The following CCNH variants were observed in gnomAD, a reference collection of about 807,000 sequenced individuals.
CCNH encodes cyclin-H.
CCNH carries 31 observed loss-of-function variants against 41.9 expected under a neutral mutation model. That is an observed-to-expected ratio of 0.74 (90% CI 0.56 to 1.00). CCNH has a LOEUF of 1.00. Among genes scored for constraint, CCNH ranks in the 50% least tolerant of loss-of-function variants. The probability of loss-of-function intolerance (pLI) is 0.00; values close to 1 mark genes in which losing one functional copy is unlikely to be tolerated. For missense variants in CCNH, 362 were observed against 388.4 expected (o/e 0.93, Z 0.57); for synonymous variants, 138 against 136.1 (o/e 1.01, Z -0.10).
intron 9 of CCNH, among the ~76,000 whole-genome samples, chr5:87,346,022 T>C (rs557760862): frequency 6.6e-6 from 1 of 152,268 alleles, no homozygotes; most frequent in South Asian, 2.1e-4. Context: ...GGTTATTGTA[T>C]GCTCTATGTC....
downstream of CCNH, among the ~76,000 whole-genome samples, chr5:87,314,261 C>A (rs901927453): frequency 1.2e-4 from 19 of 152,168 alleles, no homozygotes; most frequent in Non-Finnish European, 2.4e-4. Context: ...TGGAGACTGG[C>A]CAAGCCATAA....
chr5:87,322,246 C>T (rs566880795), intron 9 of CCNH, among the ~76,000 whole-genome samples: 1 of 152,218 alleles, frequency 6.6e-6, no homozygotes, highest in African/African-American at 2.4e-5. Flanking sequence ...AGGTGTGAGC[C>T]ACAGGCAAGC....
At chr5:87,405,737 T>C (rs1269614535) in intron 4 of CCNH, among the ~76,000 whole-genome samples, 1 of 152,130 alleles carries the variant, frequency 6.6e-6, no homozygotes, top group Non-Finnish European at 1.5e-5. Flanking sequence ...CACTTATCCC[T>C]CTACTTGCTC....
chr5:87,331,830 A>AG (rs1348376083), intron 9 of CCNH, among the ~76,000 whole-genome samples: 1 of 152,194 alleles, frequency 6.6e-6, no homozygotes, highest in Non-Finnish European at 1.5e-5. Context: ...CAAAAAGTGT[A>AG]GGAAACCCTG....
chr5:87,346,649 A>G (rs1403410020), intron 9 of CCNH: 1 of 1,457,842 alleles, frequency 6.9e-7, no homozygotes, highest in Non-Finnish European at 9.6e-7. Context: ...TTATTTATAT[A>G]TCTAATTTAT....
At chr5:87,379,161 G>A (rs1338311992), upstream of CCNH, among the ~76,000 whole-genome samples, 3 of 152,126 alleles carry the variant, frequency 2.0e-5, no homozygotes, top group East Asian at 3.8e-4. Context: ...TGTTAATCCT[G>A]CACGAAGGTG....
rs776405920 is a variant in CCNH, at chr5:87,395,058, ATTTC to A, written c.915_918del (p.Lys305AsnfsTer15). 4 of 1,611,390 alleles carry A rather than the reference ATTTC, an allele frequency of 2.5e-6. No individual in the cohort carries two copies. The highest frequency in any genetic ancestry group is 2.5e-6 in the Non-Finnish European group (3 of 1,177,870). ...GTAAAACATACCTCCTCATGTTTGG[ATTTC>A]TTTGAGACGTAATCATCATCTTCAT... On this transcript the variant is annotated frameshift_variant, in exon 8 of 9. Coordinates refer to ENST00000256897, the MANE Select transcript of CCNH (RefSeq NM_001239.4). LOFTEE classifies it high-confidence loss of function.
chr5:87,352,495 AT>A (rs1458281037), intron 9 of CCNH, among the ~76,000 whole-genome samples: 5 of 151,788 alleles, frequency 3.3e-5, no homozygotes, highest in Non-Finnish European at 5.9e-5. Flanking sequence ...ACAACTTTAT[AT>A]TTAAAAAAAT....
chr5:87,371,585 A>C (rs1295819096), downstream of CCNH, among the ~76,000 whole-genome samples: 4 of 152,250 alleles, frequency 2.6e-5, no homozygotes. Context: ...TATATTTGAG[A>C]AGCTTAAAAA....
Position 87,411,281 on chromosome 5 carries a change from C to A in CCNH, c.183G>T (p.Glu61Asp). 6.2e-7 allele frequency: 1 copy of A among 1,612,934 alleles called. No homozygotes were observed. The highest frequency in any genetic ancestry group is 8.5e-7 in the Non-Finnish European group (1 of 1,179,504). ...HEEMTLCKYYEKRLLEFCSVF... is the reference protein window; with the variant it reads ...HEEMTLCKYYDKRLLEFCSVF... ...CCGAACAGAATTCCAATAACCTTTT[C>A]TCATAGTATTTGCAGAGTGTCATTT... The change falls in exon 2 of 9, where the codon GAG (glutamate) becomes GAT (aspartate). Residue 61 changes from glutamate to aspartate, a missense_variant. Transcript: ENST00000256897.
downstream of CCNH, among the ~76,000 whole-genome samples, chr5:87,375,845 C>T (rs115869387): frequency 3.5e-3 from 532 of 152,244 alleles, 1 homozygote; most frequent in African/African-American, 0.012. Context: ...AATGTTTATT[C>T]TGTAGTTTTT....
At chr5:87,365,077 T>C (rs1228546951) in intron 9 of CCNH, among the ~76,000 whole-genome samples, 1 of 152,142 alleles carries the variant, frequency 6.6e-6, no homozygotes, top group African/African-American at 2.4e-5. Flanking sequence ...AACAATTTTA[T>C]TGAGATCAGT....
intron 9 of CCNH, among the ~76,000 whole-genome samples, chr5:87,370,234 A>G (rs1391415680): frequency 6.6e-6 from 1 of 152,164 alleles, no homozygotes; most frequent in Non-Finnish European, 1.5e-5. Context: ...TAAGCCAGTT[A>G]ACCAGTTAGT....
chr5:87,358,349 TCAA>T (rs993090202), intron 9 of CCNH, among the ~76,000 whole-genome samples: 3 of 152,350 alleles, frequency 2.0e-5, no homozygotes, highest in Admixed American at 6.5e-5. Context: ...TTTAATTTTC[TCAA>T]CAACTTTACC....
chr5:87,338,536 A>ATATTT lies in CCNH; in HGVS notation c.*91-19640_*91-19639insAAATA. ...ATATATATATATATATATATATAAA[A>ATATTT]TTTTTTTTTTTTTTAAGTAGAAATG... On this transcript the variant is annotated intron_variant and NMD_transcript_variant, in intron 9 of 9. Coordinates refer to the CCNH transcript ENST00000645953. Among the ~76,000 whole-genome samples, 62 of 85,218 alleles carry ATATTT rather than the reference A, an allele frequency of 7.3e-4. 4 individuals are homozygous for ATATTT. The highest frequency in any genetic ancestry group is 1.2e-3 in the Admixed American group (9 of 7,720). The allele number at this position is 85,218 out of a possible 152,430, so 55.9% of individuals were successfully genotyped here. A position where few individuals can be genotyped will look rare whatever the true frequency, so the allele number is the denominator to read the frequency against.
rs867797338 is a variant in CCNH, at chr5:87,356,696, T to A, written c.*90+36074A>T. Among the ~76,000 whole-genome samples, 8 of 152,218 alleles carry A rather than the reference T, an allele frequency of 5.3e-5. No individual in the cohort carries two copies. In the South Asian group the frequency reaches 1.2e-3, roughly 24 times the overall value. On this transcript the variant is annotated intron_variant and NMD_transcript_variant, in intron 9 of 9. Coordinates refer to the CCNH transcript ENST00000645953. Reference sequence around the variant, plus strand: ...CCCAACAGTTTTTAGTAATAAAATATTTTTAAATTAACACGTGTACATTGT... The same window carrying A: ...CCCAACAGTTTTTAGTAATAAAATAATTTTAAATTAACACGTGTACATTGT...
At chr5:87,372,039 G>GGA (rs1760986307), downstream of CCNH, 5 of 1,020,512 alleles carry the variant, frequency 4.9e-6, no homozygotes, top group African/African-American at 3.3e-5. Flanking sequence ...TGTTGAATTT[G>GGA]AAAAAAAAAA....
chr5:87,345,135 C>T (rs1352838976), intron 9 of CCNH, among the ~76,000 whole-genome samples: 3 of 152,066 alleles, frequency 2.0e-5, no homozygotes, highest in Non-Finnish European at 2.9e-5. Context: ...CCAGTTCCCA[C>T]GCCTGGCCTA....
chr5:87,362,726 G>T, intron 9 of CCNH: 3 of 1,554,358 alleles, frequency 1.9e-6, no homozygotes, highest in Non-Finnish European at 2.7e-6. Flanking sequence ...TAAATATGGA[G>T]CTCCGAACTT....
Sources: gnomAD v4.1 joint callset for allele counts (sites outside exome capture counted in the v4.1 genomes callset) on GRCh38, gnomAD v4.1.1 for gene constraint, MANE v1.5 for transcripts, NCBI Gene and HGNC (gene_info 2026-07-23, HGNC 2026-07-21) for gene names.